Variants in SLC39A11 observed in about 807,000 individuals in gnomAD.
SLC39A11 encodes solute carrier family 39 member 11.
Under a neutral mutation model 36.1 loss-of-function variants are expected in SLC39A11, and 33 were observed. The observed-to-expected ratio is 0.91, with a 90% CI of 0.69 to 1.22. The LOEUF (loss-of-function observed/expected upper bound fraction) is 1.22. SLC39A11 is among the 50% of genes most tolerant of loss of function. The pLI is 0.00. For missense variants in SLC39A11, 432 were observed against 430.3 expected (o/e 1.00, Z -0.03); for synonymous variants, 166 against 170.3 (o/e 0.97, Z 0.20).
At chr17:72,920,249 A>T (rs879789993) in intron 5 of SLC39A11, among the ~76,000 whole-genome samples, 1 of 152,002 alleles carries the variant, frequency 6.6e-6, no homozygotes, top group Non-Finnish European at 1.5e-5. Flanking sequence ...AACTGAAGTC[A>T]GGTCACGTTC....
chr17:72,963,095 T>C (rs1038245976), intron 4 of SLC39A11, among the ~76,000 whole-genome samples: 9 of 151,928 alleles, frequency 5.9e-5, no homozygotes, highest in South Asian at 4.2e-4. Flanking sequence ...AGTAACTTAA[T>C]GGGACTTAAT....
chr17:72,743,516 C>T (rs1189356196), intron 6 of SLC39A11, among the ~76,000 whole-genome samples: 2 of 152,140 alleles, frequency 1.3e-5, no homozygotes, highest in Admixed American at 6.5e-5. Context: ...CACAACTCCA[C>T]GCTGCCTTAG....
intron 7 of SLC39A11, among the ~76,000 whole-genome samples, chr17:72,649,570 C>T (rs2069747057): frequency 6.6e-6 from 1 of 152,194 alleles, no homozygotes; most frequent in Admixed American, 6.5e-5. Flanking sequence ...GCCCTGAGTT[C>T]TGCCACGTGG....
At chr17:72,962,945 G>A (rs73347588) in intron 4 of SLC39A11, among the ~76,000 whole-genome samples, 13,419 of 152,084 alleles carry the variant, frequency 0.088, 878 homozygotes, top group African/African-American at 0.17. Flanking sequence ...AGACCAGCAG[G>A]AGACTTCTCT....
Position 72,849,812 on chromosome 17 carries a change from A to T in SLC39A11, c.431-8T>A, listed in dbSNP as rs1178927839. ...CACCATTCTCACTCTTGTCTGAGCA[A>T]AAAAAAAAAAAAAGAGAGATGGGGA... On this transcript the variant is annotated splice_region_variant and splice_polypyrimidine_tract_variant and intron_variant, in intron 5 of 9. Transcript: ENST00000255559. 5 of 207,514 alleles carry T rather than the reference A, an allele frequency of 2.4e-5. No individual in the cohort carries two copies. In the East Asian group the frequency reaches 2.0e-3, roughly 82 times the overall value. The allele number at this position is 207,514 out of a possible 1,614,324, so 12.9% of individuals were successfully genotyped here. A position where few individuals can be genotyped will look rare whatever the true frequency, so the allele number is the denominator to read the frequency against.
At chr17:72,721,087 C>CTTTTTTTTTTT (rs56090007) in intron 7 of SLC39A11, among the ~76,000 whole-genome samples, 1 of 126,552 alleles carries the variant, frequency 7.9e-6, no homozygotes, top group African/African-American at 3.1e-5. Flanking sequence ...TGTCCCTCGC[C>CTTTTTTTTTTT]TTTTTTTTTT....
chr17:72,875,061 G>T (rs1373828889), intron 5 of SLC39A11, among the ~76,000 whole-genome samples: 2 of 152,086 alleles, frequency 1.3e-5, no homozygotes, highest in African/African-American at 2.4e-5. Flanking sequence ...GAGAAACACA[G>T]GGAGTAAATC....
Position 72,711,925 on chromosome 17 carries a change from C to T in SLC39A11, c.671+24725G>A, listed in dbSNP as rs181847712. 1.6e-3 allele frequency among the ~76,000 whole-genome samples: 238 copies of T among 152,350 alleles called. 1 individual carries two copies. Among genetic ancestry groups the T allele is most frequent in the African/African-American group, 5.4e-3 (223 of 41,582 alleles). Reference sequence around the variant, plus strand: ...CAAGAAAAGAACCTTTCTCTGTCTCCTGCTTTCTAGATTGATGGAAAGGCC... The same window carrying T: ...CAAGAAAAGAACCTTTCTCTGTCTCTTGCTTTCTAGATTGATGGAAAGGCC... On this transcript the variant is annotated intron_variant, in intron 7 of 9. Transcript: ENST00000255559.
intron 7 of SLC39A11, among the ~76,000 whole-genome samples, chr17:72,715,489 G>A (rs145889959): frequency 2.6e-5 from 4 of 152,226 alleles, no homozygotes; most frequent in South Asian, 2.1e-4. Flanking sequence ...ATTATGACAC[G>A]TTACAACATG....
intron 7 of SLC39A11, 150 bp from the exon 8 acceptor site, chr17:72,649,418 G>A (rs1265660156): frequency 1.5e-6 from 1 of 652,170 alleles, no homozygotes; most frequent in Non-Finnish European, 2.7e-6. Flanking sequence ...GAAAGGTCAG[G>A]ACGTGTGTCT....
At chr17:73,011,228 C>T (rs2090494633) in intron 4 of SLC39A11, among the ~76,000 whole-genome samples, 1 of 152,212 alleles carries the variant, frequency 6.6e-6, no homozygotes, top group African/African-American at 2.4e-5. Context: ...GAGAGTCTGG[C>T]AAAACACCGC....
intron 6 of SLC39A11, among the ~76,000 whole-genome samples, chr17:72,769,195 T>A (rs1182477698): frequency 6.6e-6 from 1 of 152,192 alleles, no homozygotes; most frequent in East Asian, 1.9e-4. Context: ...AATGCCTTAA[T>A]CCTACCTGGG....
chr17:72,999,380 C>G (rs941447066), intron 4 of SLC39A11, among the ~76,000 whole-genome samples: 1 of 152,126 alleles, frequency 6.6e-6, no homozygotes, highest in Non-Finnish European at 1.5e-5. Context: ...AATTAAAAAC[C>G]AGACTGGGCT....
intron 3 of SLC39A11, among the ~76,000 whole-genome samples, chr17:73,032,714 C>T (rs896750503): frequency 1.3e-5 from 2 of 152,116 alleles, no homozygotes; most frequent in Non-Finnish European, 2.9e-5. Flanking sequence ...ATGTGACAGC[C>T]TCTGAAATAT....
intron 4 of SLC39A11, among the ~76,000 whole-genome samples, chr17:73,003,570 C>T (rs1018537392): frequency 2.6e-5 from 4 of 152,082 alleles, no homozygotes; most frequent in East Asian, 1.9e-4. Flanking sequence ...GGGCTGAACA[C>T]GGAGAGGGCA....
At position 72,947,788 on chromosome 17, in the gene SLC39A11, G is replaced by C. The variant is rs1462374371; in HGVS notation, c.394C>G (p.Leu132Val). ...GAAAGTTCACTCTCAGGGAAGAGCA[G>C]CGCGGGACCCTCAGGATCAGACTTC... is the stretch of plus-strand genomic sequence containing the variant. ...KKKSDPEGPA[L>V]LFPESELSIR... Residue 132 changes from leucine to valine, a missense_variant, in exon 5 of 10, where the codon CTG (leucine) becomes GTG (valine). Leu to Val is a conservative substitution (Grantham distance 32). Coordinates refer to ENST00000255559, the MANE Select transcript of SLC39A11 (RefSeq NM_139177.4). 1 of 1,614,138 alleles carries C rather than the reference G, an allele frequency of 6.2e-7. No homozygotes were observed. Among genetic ancestry groups the C allele is most frequent in the Non-Finnish European group, 8.5e-7 (1 of 1,180,034 alleles).
chr17:72,662,614 G>GAA (rs1211920877), intron 7 of SLC39A11, among the ~76,000 whole-genome samples: 48 of 76,076 alleles, frequency 6.3e-4, no homozygotes, highest in African/African-American at 2.8e-3. Flanking sequence ...AAGGAAGGAA[G>GAA]GAGAGAAGAA....
intron 5 of SLC39A11, among the ~76,000 whole-genome samples, chr17:72,937,791 C>G (rs1489522666): frequency 1.3e-5 from 2 of 152,280 alleles, no homozygotes; most frequent in Admixed American, 6.5e-5. Flanking sequence ...CAAACCTCAC[C>G]AAGGCAGAAA....
Position 73,059,905 on chromosome 17 carries a change from G to A in SLC39A11, c.147+24903C>T, listed in dbSNP as rs568382741. 2.0e-5 allele frequency among the ~76,000 whole-genome samples: 3 copies of A among 152,160 alleles called. No homozygotes were observed. The East Asian group carries it at 5.8e-4, about 29-fold the overall frequency. On this transcript the variant is annotated intron_variant, in intron 3 of 9. Transcript: ENST00000255559. ...AGGAGGTTTGTGGACGGTGAATCAT[G>A]TGAAAGAAATTTTATTGTGATCAGC...
Sources: allele counts gnomAD v4.1 joint callset (sites outside exome capture counted in the v4.1 genomes callset), GRCh38; gene constraint gnomAD v4.1.1; transcripts MANE v1.5; gene names NCBI Gene and HGNC (gene_info 2026-07-23, HGNC 2026-07-21).